Variants in PRKAA1 observed in about 807,000 individuals in gnomAD.
PRKAA1 encodes the protein 5'-AMP-activated protein kinase catalytic subunit alpha-1.
PRKAA1 carries 23 observed loss-of-function variants against 56.9 expected under a neutral mutation model. That is an observed-to-expected ratio of 0.40 (90% CI 0.29 to 0.57). PRKAA1 has a LOEUF of 0.57. PRKAA1 is among the 20% of genes least tolerant of loss of function. The pLI, the probability that PRKAA1 is intolerant of heterozygous loss-of-function variation, is 0.39. For missense variants in PRKAA1, 413 were observed against 679.7 expected (o/e 0.61, Z 4.36); for synonymous variants, 226 against 227.0 (o/e 1.00, Z 0.04).
intron 6 of PRKAA1, among the ~76,000 whole-genome samples, chr5:40,767,240 G>A (rs1337421383): frequency 6.6e-6 from 1 of 152,144 alleles, no homozygotes; most frequent in Non-Finnish European, 1.5e-5. Flanking sequence ...ACAAAGATGT[G>A]TAAGTAAAAA....
intron 1 of PRKAA1, among the ~76,000 whole-genome samples, chr5:40,791,297 T>C (rs1744708327): frequency 6.6e-6 from 1 of 152,230 alleles, no homozygotes; most frequent in South Asian, 2.1e-4. Flanking sequence ...GTTTTTAGAA[T>C]AGTGCTAAGG....
rs1452238093 is a variant in PRKAA1 at position 40,798,275 on chromosome 5, C to G, written c.-86G>C. ...GGTGGGGACGCGGGAGGGCAGCCAC[C>G]GAGCCGAGTCACCGCCCTGCGCCGC... On this transcript the variant is annotated 5_prime_UTR_variant, in exon 1 of 9. Transcript: ENST00000397128. The G allele has an allele frequency of 1.4e-6, 1 of 723,830 alleles. No homozygotes were observed. The highest frequency in any genetic ancestry group is 1.9e-6 in the Non-Finnish European group (1 of 513,392). The allele number at this position is 723,830 out of a possible 1,614,324, so 44.8% of individuals were successfully genotyped here. A position where few individuals can be genotyped will look rare whatever the true frequency, so the allele number is the denominator to read the frequency against.
At chr5:40,784,015 A>G (rs1744369416) in intron 1 of PRKAA1, among the ~76,000 whole-genome samples, 1 of 152,152 alleles carries the variant, frequency 6.6e-6, no homozygotes, top group Non-Finnish European at 1.5e-5. Context: ...AAATAAGAAT[A>G]CCACATACTC....
intron 6 of PRKAA1, among the ~76,000 whole-genome samples, chr5:40,766,048 T>C (rs1743418248): frequency 6.6e-6 from 1 of 152,208 alleles, no homozygotes; most frequent in African/African-American, 2.4e-5. Context: ...CTAAGTTTTT[T>C]CAATTGTCAT....
intron 5 of PRKAA1, among the ~76,000 whole-genome samples, 181 bp from the exon 6 acceptor site, chr5:40,767,871 G>GT (rs61424144): frequency 1 from 152,364 of 152,364 alleles, 76,182 homozygotes; most frequent in Non-Finnish European, 1. Context: ...AAGTCAAGAA[G>GT]TTTGTAAATT....
At chr5:40,771,438 G>T (rs1054107375) in intron 4 of PRKAA1, among the ~76,000 whole-genome samples, 1 of 152,204 alleles carries the variant, frequency 6.6e-6, no homozygotes, top group Non-Finnish European at 1.5e-5. Context: ...GTAGTTTGGG[G>T]ATGCAGTGAG....
chr5:40,771,663 T>C lies in PRKAA1; in HGVS notation c.508+56A>G, dbSNP rs550690301. ...ATCTGAAGAATTCTAGGTAGGTTCA[T>C]TGAAACTATAAGAACATTAGAAATG... On this transcript the variant is annotated intron_variant, in intron 4 of 8. Transcript: ENST00000397128. 389 of 1,531,906 alleles carry C rather than the reference T, an allele frequency of 2.5e-4. 2 individuals are homozygous for C. The African/African-American group carries it at 4.2e-3, about 17-fold the overall frequency. The allele number at this position is 1,531,906 out of a possible 1,614,324, so 94.9% of individuals were successfully genotyped here.
At position 40,777,588 on chromosome 5, in the gene PRKAA1, T is replaced by C. The variant is rs1561177969; in HGVS notation, c.128-2A>G. The C allele has an allele frequency of 6.3e-7, 1 of 1,599,562 alleles. No homozygotes were observed. Among genetic ancestry groups the C allele is most frequent in the Admixed American group, 1.7e-5 (1 of 58,178 alleles). On this transcript the variant is annotated splice_acceptor_variant, in intron 1 of 8. Transcript: ENST00000397128. LOFTEE classifies it high-confidence loss of function. Reference sequence around the variant, plus strand: ...GCCCAGTCAATTCATGTTTGCCAACTGTAAAAGAAGTAATTTAATAAATTA... The same window carrying C: ...GCCCAGTCAATTCATGTTTGCCAACCGTAAAAGAAGTAATTTAATAAATTA...
intron 1 of PRKAA1, among the ~76,000 whole-genome samples, chr5:40,796,247 C>T (rs1346010444): frequency 6.6e-6 from 1 of 151,620 alleles, no homozygotes; most frequent in African/African-American, 2.4e-5. Context: ...ACCCAGGAAG[C>T]GGAGGTTGCA....
intron 6 of PRKAA1, among the ~76,000 whole-genome samples, chr5:40,765,841 C>CCATG (rs1743408466): frequency 1.3e-5 from 2 of 151,974 alleles, no homozygotes; most frequent in African/African-American, 4.8e-5. Flanking sequence ...ACTGGAAAGG[C>CCATG]CATGCCCTGA....
chr5:40,787,843 T>C (rs941979985), intron 1 of PRKAA1, among the ~76,000 whole-genome samples: 12 of 152,144 alleles, frequency 7.9e-5, no homozygotes, highest in Non-Finnish European at 1.6e-4. Context: ...TCCTTACCTA[T>C]CAATAATTAC....
intron 2 of PRKAA1, 78 bp from the exon 3 acceptor site, chr5:40,775,581 T>C (rs1271122284): frequency 9.5e-6 from 11 of 1,156,890 alleles, no homozygotes; most frequent in African/African-American, 1.6e-5. Flanking sequence ...TAAGCACCTA[T>C]AGTATACCAG....
At chr5:40,769,554 T>A in intron 4 of PRKAA1, 51 bp from the exon 5 acceptor site, 2 of 1,346,130 alleles carry the variant, frequency 1.5e-6, no homozygotes, top group South Asian at 2.5e-5. Flanking sequence ...AGACAAAAAT[T>A]AAAATCCCAT....
intron 6 of PRKAA1, among the ~76,000 whole-genome samples, chr5:40,765,572 C>T (rs1430060038): frequency 2.0e-5 from 3 of 152,120 alleles, no homozygotes; most frequent in Admixed American, 6.6e-5. Flanking sequence ...CATTATAATA[C>T]TCTTTTGATA....
At chr5:40,794,485 A>G (rs1227536757) in intron 1 of PRKAA1, among the ~76,000 whole-genome samples, 2 of 152,068 alleles carry the variant, frequency 1.3e-5, no homozygotes, top group Non-Finnish European at 2.9e-5. Flanking sequence ...AAGCTCTTCA[A>G]TTTAATTAGG....
At chr5:40,777,422 T>C (rs746706192) in intron 2 of PRKAA1, 23 bp downstream of exon 2, 7 of 1,561,530 alleles carry the variant, frequency 4.5e-6, no homozygotes, top group East Asian at 2.3e-5. Flanking sequence ...GACTGGACTA[T>C]ATTTAATATA....
Position 40,798,271 on chromosome 5 carries a change from CCACCGAGCCGAGT to C in PRKAA1, c.-95_-83del, listed in dbSNP as rs1745041258. On this transcript the variant is annotated 5_prime_UTR_variant, in exon 1 of 9. Coordinates refer to ENST00000397128, the MANE Select transcript of PRKAA1 (RefSeq NM_006251.6). The stretch of plus-strand genomic sequence containing the variant: ...AGGGGGTGGGGACGCGGGAGGGCAG[CCACCGAGCCGAGT>C]CACCGCCCTGCGCCGCCAGCCCAGG... The C allele has an allele frequency of 1.4e-6, 1 of 727,010 alleles. No homozygotes were observed. Among genetic ancestry groups the C allele is most frequent in the African/African-American group, 1.9e-5 (1 of 52,042 alleles). The allele number at this position is 727,010 out of a possible 1,614,324, so 45.0% of individuals were successfully genotyped here.
intron 1 of PRKAA1, among the ~76,000 whole-genome samples, chr5:40,797,257 G>C (rs1744966577): frequency 6.6e-6 from 1 of 152,194 alleles, no homozygotes; most frequent in South Asian, 2.1e-4. Context: ...CACTTAAAGA[G>C]TTTATTAGAA....
intron 4 of PRKAA1, among the ~76,000 whole-genome samples, chr5:40,769,779 T>G (rs1739118275): frequency 6.6e-6 from 1 of 151,036 alleles, no homozygotes; most frequent in Non-Finnish European, 1.5e-5. Flanking sequence ...TTGCCATGTT[T>G]AAGTTTTATT....
Sources: allele counts gnomAD v4.1 joint callset (sites outside exome capture counted in the v4.1 genomes callset), GRCh38; gene constraint gnomAD v4.1.1; transcripts MANE v1.5; gene names NCBI Gene and HGNC (gene_info 2026-07-23, HGNC 2026-07-21).